FGFR2: variants seen among roughly 807,000 people sequenced by gnomAD.
FGFR2 encodes BEK fibroblast growth factor receptor.
A neutral mutation model predicts 95.9 loss-of-function variants in FGFR2; 19 were observed. The ratio of observed to expected loss-of-function variants is 0.20; its 90% CI spans 0.14 to 0.29. FGFR2 has a LOEUF of 0.29. Among genes scored for constraint, FGFR2 ranks in the 10% least tolerant of loss-of-function variants. The probability of loss-of-function intolerance (pLI) is 1.00; values close to 1 mark genes in which losing one functional copy is unlikely to be tolerated. For missense variants in FGFR2, 707 were observed against 1,056.9 expected, an observed-to-expected ratio of 0.67 and a Z score of 4.59; for synonymous variants, 392 against 393.3, an observed-to-expected ratio of 1.00 and a Z score of 0.04.
intron 6 of FGFR2, among the ~76,000 whole-genome samples, chr10:121,532,879 T>C (rs1488916540): frequency 6.6e-6 from 1 of 152,198 alleles, no homozygotes; most frequent in Non-Finnish European, 1.5e-5. Context: ...CTGTGTCCTA[T>C]CATGTCTGGG....
At chr10:121,548,274 T>TTTTTTTTTTTTTTTTTTC (rs1854849006) in intron 5 of FGFR2, among the ~76,000 whole-genome samples, 1 of 97,722 alleles carries the variant, frequency 1.0e-5, no homozygotes, top group East Asian at 2.6e-4. Flanking sequence ...TTTTTTTTTT[T>TTTTTTTTTTTTTTTTTTC]TTTTTGGTAA....
intron 6 of FGFR2, among the ~76,000 whole-genome samples, chr10:121,536,404 T>A (rs1474689443): frequency 6.6e-6 from 1 of 152,192 alleles, no homozygotes; most frequent in Non-Finnish European, 1.5e-5. Flanking sequence ...ACCAGCATTG[T>A]GTCATTATTG....
intron 6 of FGFR2, among the ~76,000 whole-genome samples, chr10:121,534,090 G>GTTTTT (rs1852464261): frequency 7.6e-6 from 1 of 131,754 alleles, no homozygotes; most frequent in African/African-American, 3.3e-5. Context: ...TCCCAAAATG[G>GTTTTT]CTTTTTTTTT....
intron 5 of FGFR2, among the ~76,000 whole-genome samples, chr10:121,548,888 T>G (rs1404812412): frequency 6.6e-6 from 1 of 152,180 alleles, no homozygotes; most frequent in African/African-American, 2.4e-5. Flanking sequence ...CTTAACTTTT[T>G]TTTTTCAAAA....
At chr10:121,554,505 A>ATT (rs11334001) in intron 4 of FGFR2, among the ~76,000 whole-genome samples, 7 of 121,972 alleles carry the variant, frequency 5.7e-5, no homozygotes, top group Admixed American at 3.4e-4. Context: ...TGCCCGGCTA[A>ATT]TTTTTTTTTT....
chr10:121,584,183 T>C (rs947144705), intron 2 of FGFR2, among the ~76,000 whole-genome samples: 2 of 151,916 alleles, frequency 1.3e-5, no homozygotes, highest in African/African-American at 4.8e-5. Flanking sequence ...GTACTGTGGG[T>C]CCCATCACAA....
intron 4 of FGFR2, 133 bp downstream of exon 4, chr10:121,564,369 T>G: frequency 1.3e-6 from 1 of 799,866 alleles, no homozygotes; most frequent in South Asian, 1.4e-5. Flanking sequence ...GTCAGGAAAG[T>G]AGACACAGCG....
rs2134232051 is a variant in FGFR2 at position 121,515,325 on chromosome 10, T to C, written c.1085-6A>G. 1.2e-6 allele frequency: 2 copies of C among 1,613,958 alleles called. No homozygotes were observed. The highest frequency in any genetic ancestry group is 2.2e-5 in the East Asian group (1 of 44,864). Reference sequence around the variant, plus strand: ...CTCCTTTTCTCTTCCAGGCGCTAGATTGCAGATCACAGGAGGAGGAACAGA... The same window carrying C: ...CTCCTTTTCTCTTCCAGGCGCTAGACTGCAGATCACAGGAGGAGGAACAGA... On this transcript the variant is annotated splice_region_variant and splice_polypyrimidine_tract_variant and intron_variant, in intron 8 of 17. Coordinates refer to ENST00000358487, the MANE Select transcript of FGFR2 (RefSeq NM_000141.5).
chr10:121,581,532 A>G (rs566133113), intron 2 of FGFR2, among the ~76,000 whole-genome samples: 3 of 150,170 alleles, frequency 2.0e-5, no homozygotes, highest in Non-Finnish European at 4.4e-5. Context: ...TGAGCCCAGG[A>G]GTTTGAGACC....
At position 121,518,970 on chromosome 10, in the gene FGFR2, A is replaced by T; in HGVS notation, c.939+1009T>A. 1 of 1,028,986 alleles carries T rather than the reference A, an allele frequency of 9.7e-7. No individual in the cohort carries two copies. Among genetic ancestry groups the T allele is most frequent in the Non-Finnish European group, 1.5e-6 (1 of 678,606 alleles). The allele number at this position is 1,028,986 out of a possible 1,614,324, so 63.7% of individuals were successfully genotyped here. ...CATTAAAGGGCTGCGGATTTTAAAG[A>T]ACAAAATCAGTCCAGTGGTGGACAA... On this transcript the variant is annotated intron_variant, in intron 7 of 17. Coordinates refer to ENST00000358487, the MANE Select transcript of FGFR2 (RefSeq NM_000141.5). The surrounding 1 kb of genome is among the most constrained non-coding windows in gnomAD (Gnocchi z 4.0).
chr10:121,521,060 T>C (rs752251302), intron 6 of FGFR2, among the ~76,000 whole-genome samples: 11 of 152,244 alleles, frequency 7.2e-5, no homozygotes, highest in Admixed American at 2.6e-4. Context: ...CACCTCTTTA[T>C]TGTGGAATTC....
chr10:121,543,450 C>T (rs1399161921), intron 5 of FGFR2, among the ~76,000 whole-genome samples: 1 of 152,168 alleles, frequency 6.6e-6, no homozygotes, highest in East Asian at 1.9e-4. Flanking sequence ...ACAGAGACTG[C>T]AGTGAGCTGA....
Position 121,518,109 on chromosome 10 carries a change from T to C in FGFR2, c.940-646A>G, listed in dbSNP as rs768341341. 74 of 458,838 alleles carry C rather than the reference T, an allele frequency of 1.6e-4. No homozygotes were observed. Among genetic ancestry groups the C allele is most frequent in the Middle Eastern group, 3.4e-4 (1 of 2,924 alleles). 28.4% of individuals were successfully genotyped at this position (458,838 alleles called of 1,614,324 possible). A position where few individuals can be genotyped will look rare whatever the true frequency, so the allele number is the denominator to read the frequency against. ...TTAATAAACATTTGGATGTGAGTCA[T>C]GACAAACCTAAAAAGTCAACCTTTT... On this transcript the variant is annotated intron_variant, in intron 7 of 17. Coordinates refer to ENST00000358487, the MANE Select transcript of FGFR2 (RefSeq NM_000141.5). The surrounding 1 kb of genome is among the most constrained non-coding windows in gnomAD (Gnocchi z 4.0).
At chr10:121,572,311 A>T (rs975823806) in intron 2 of FGFR2, among the ~76,000 whole-genome samples, 2 of 152,132 alleles carry the variant, frequency 1.3e-5, no homozygotes, top group African/African-American at 4.8e-5. Context: ...CAGCGAGACG[A>T]GAACCTGTCT....
chr10:121,560,616 A>C (rs942010806), intron 4 of FGFR2, among the ~76,000 whole-genome samples: 31 of 38,584 alleles, frequency 8.0e-4, no homozygotes, highest in South Asian at 3.0e-3. Context: ...CTCCGTCCCC[A>C]AAAAAAAAAA....
intron 1 of FGFR2, among the ~76,000 whole-genome samples, chr10:121,597,045 G>A (rs1863531239): frequency 6.6e-6 from 1 of 152,170 alleles, no homozygotes; most frequent in South Asian, 2.1e-4. Flanking sequence ...TTGAAAGCAG[G>A]TTTGCCTTTA....
Position 121,479,604 on chromosome 10 carries a change from A to T in FGFR2, c.*253T>A. 1 of 1,551,666 alleles carries T rather than the reference A, an allele frequency of 6.4e-7. No homozygotes were observed. Among genetic ancestry groups the T allele is most frequent in the East Asian group, 2.4e-5 (1 of 40,926 alleles). The stretch of plus-strand genomic sequence containing the variant: ...TCCTACTGGTCCACAGCCAGTACGC[A>T]CGGCAGGTGAGAGGGGTTACATGGT... On this transcript the variant is annotated 3_prime_UTR_variant, in exon 18 of 18. Coordinates refer to ENST00000358487, the MANE Select transcript of FGFR2 (RefSeq NM_000141.5).
rs200799090 is a variant in FGFR2 at position 121,524,099 on chromosome 10, TATACACACACAC to T, written c.749-3942_749-3931del. ...TTATTCCAATGCTATCCCGGCTATG[TATACACACACAC>T]ACACACACACACACACACACACACA... is the stretch of plus-strand genomic sequence containing the variant. On this transcript the variant is annotated intron_variant, in intron 6 of 17. Coordinates refer to ENST00000358487, the MANE Select transcript of FGFR2 (RefSeq NM_000141.5). Among the ~76,000 whole-genome samples, 1,343 of 137,268 alleles carry T rather than the reference TATACACACACAC, an allele frequency of 9.8e-3. 18 individuals are homozygous for T. Among genetic ancestry groups the T allele is most frequent in the South Asian group, 0.018 (79 of 4,312 alleles). 90.1% of individuals were successfully genotyped at this position (137,268 alleles called of 152,430 possible).
At position 121,485,440 on chromosome 10, in the gene FGFR2, T is replaced by C; in HGVS notation, c.2150A>G (p.Lys717Arg). The C allele has an allele frequency of 3.1e-6, 5 of 1,614,104 alleles. No homozygotes were observed. Among genetic ancestry groups the C allele is most frequent in the Non-Finnish European group, 4.2e-6 (5 of 1,180,018 alleles). ...IPVEELFKLLKEGHRMDKPAN... is the reference protein window; with the variant it reads ...IPVEELFKLLREGHRMDKPAN... ...TGGCTTATCCATTCTGTGTCCTTCC[T>C]TCAGCAGCTTAAAAAGTTCCTCCAC... Residue 717 changes from lysine to arginine, a missense_variant, in exon 16 of 18, where the codon AAG (lysine) becomes AGG (arginine). Transcript: ENST00000358487. The surrounding 1 kb of genome is among the most constrained non-coding windows in gnomAD (Gnocchi z 4.2).
Sources: allele counts gnomAD v4.1 joint callset (sites outside exome capture counted in the v4.1 genomes callset), GRCh38; gene constraint gnomAD v4.1.1; non-coding constraint Gnocchi (gnomAD v3.1); transcripts MANE v1.5; gene names NCBI Gene and HGNC (gene_info 2026-07-23, HGNC 2026-07-21).